The following UBE2W variants were observed in gnomAD, a reference collection of about 807,000 sequenced individuals.
UBE2W encodes ubiquitin-conjugating enzyme E2 W.
Under a neutral mutation model 27.2 loss-of-function variants are expected in UBE2W, and 18 were observed. That is an observed-to-expected ratio of 0.66 (90% confidence interval 0.46 to 0.98). The LOEUF (loss-of-function observed/expected upper bound fraction) is 0.98. Among genes scored for constraint, UBE2W ranks in the 50% least tolerant of loss-of-function variants. UBE2W has a pLI of 0.00. For synonymous variants in UBE2W, 53 were observed against 57.2 expected, an observed-to-expected ratio of 0.93 and a Z score of 0.33; for missense variants, 90 against 180.2, an observed-to-expected ratio of 0.50 and a Z score of 2.87.
chr8:73,842,931 T>G (rs1459197451), intron 1 of UBE2W, among the ~76,000 whole-genome samples: 1 of 152,174 alleles, frequency 6.6e-6, no homozygotes, highest in Non-Finnish European at 1.5e-5. Flanking sequence ...ACAACCCAAA[T>G]GCCCACTAAC....
intron 1 of UBE2W, among the ~76,000 whole-genome samples, chr8:73,832,969 C>T (rs1279431700): frequency 1.3e-5 from 2 of 152,066 alleles, no homozygotes; most frequent in African/African-American, 2.4e-5. Flanking sequence ...GCGGGAGGAT[C>T]GCAATGTCAA....
At chr8:73,812,284 T>G (rs1809184692) in intron 3 of UBE2W, among the ~76,000 whole-genome samples, 1 of 151,622 alleles carries the variant, frequency 6.6e-6, no homozygotes, top group African/African-American at 2.4e-5. Flanking sequence ...ATCAAGTCAC[T>G]TATCCTACCT....
At chr8:73,812,080 T>A (rs1048653683) in intron 3 of UBE2W, among the ~76,000 whole-genome samples, 6 of 152,048 alleles carry the variant, frequency 3.9e-5, no homozygotes, top group Non-Finnish European at 8.8e-5. Flanking sequence ...ATATATTAAC[T>A]AACATATGGG....
chr8:73,851,369 TGAGA>T (rs1811070769), intron 1 of UBE2W, among the ~76,000 whole-genome samples: 1 of 151,948 alleles, frequency 6.6e-6, no homozygotes, highest in Non-Finnish European at 1.5e-5. Flanking sequence ...GTAAAATATC[TGAGA>T]AAGAAGAGAT....
At chr8:73,855,252 C>T (rs953897708) in intron 1 of UBE2W, among the ~76,000 whole-genome samples, 2 of 152,030 alleles carry the variant, frequency 1.3e-5, no homozygotes, top group Non-Finnish European at 2.9e-5. Context: ...AATTTAAATG[C>T]GAGACAAACT....
intron 1 of UBE2W, among the ~76,000 whole-genome samples, chr8:73,872,606 T>A (rs1812046209): frequency 6.6e-6 from 1 of 152,210 alleles, no homozygotes; most frequent in African/African-American, 2.4e-5. Context: ...AACTGAGTAG[T>A]GAAACTAAGC....
At chr8:73,782,107 A>ATT (rs61555781), downstream of UBE2W, among the ~76,000 whole-genome samples, 9 of 145,222 alleles carry the variant, frequency 6.2e-5, no homozygotes, top group African/African-American at 7.5e-5. Flanking sequence ...GGCCCGGCTA[A>ATT]TTTTTTTTTT....
intron 1 of UBE2W, among the ~76,000 whole-genome samples, chr8:73,836,280 T>C (rs946274937): frequency 1.3e-5 from 2 of 152,202 alleles, no homozygotes; most frequent in African/African-American, 2.4e-5. Flanking sequence ...TCTTAGCTAC[T>C]AGGCAATAAA....
At position 73,805,463 on chromosome 8, in the gene UBE2W, AAAAAAAAAC is replaced by A. The variant is rs1327607260; in HGVS notation, c.442+179_442+187del. Reference sequence around the variant, plus strand: ...GAGCAAAACTCCATCTCAAAAAAAAAAAAAAAAACAAAAAAAACTAGGGTAATTCATCCA... The same window carrying A: ...GAGCAAAACTCCATCTCAAAAAAAAAAAAAAAAACTAGGGTAATTCATCCA... On this transcript the variant is annotated intron_variant, in intron 5 of 5. Coordinates refer to ENST00000602593, the MANE Select transcript of UBE2W (RefSeq NM_018299.6). Among the ~76,000 whole-genome samples the A allele has an allele frequency of 3.4e-3, 445 of 129,432 alleles. 18 individuals carry two copies. The highest frequency in any genetic ancestry group is 0.012 in the African/African-American group (428 of 35,410). 84.9% of individuals were successfully genotyped at this position (129,432 alleles called of 152,430 possible).
chr8:73,847,533 G>C (rs1410994754), intron 1 of UBE2W, among the ~76,000 whole-genome samples: 1 of 152,156 alleles, frequency 6.6e-6, no homozygotes, highest in African/African-American at 2.4e-5. Context: ...GGTACAAGGA[G>C]GATGTTTGTA....
intron 3 of UBE2W, among the ~76,000 whole-genome samples, chr8:73,819,243 C>T (rs1317369993): frequency 1.3e-5 from 2 of 152,158 alleles, no homozygotes; most frequent in African/African-American, 4.8e-5. Flanking sequence ...CACCATCTTC[C>T]ATACTATATG....
At chr8:73,821,560 G>T (rs868074393) in intron 3 of UBE2W, among the ~76,000 whole-genome samples, 15 of 116,894 alleles carry the variant, frequency 1.3e-4, no homozygotes, top group South Asian at 3.4e-4. Flanking sequence ...TGTGTGTGGG[G>T]GGGGGGGGAT....
chr8:73,848,089 T>G lies in UBE2W; in HGVS notation c.16-17617A>C, dbSNP rs1041933915. On this transcript the variant is annotated intron_variant, in intron 1 of 5. Transcript: ENST00000602593. ...CGTGGCGCATGCCTGTAATCCCAGA[T>G]ACTCGGGAGGCTGAGGCAAGAGAAT... 5.3e-5 allele frequency among the ~76,000 whole-genome samples: 8 copies of G among 151,414 alleles called. 1 individual carries two copies. The South Asian group carries it at 6.3e-4, about 12-fold the overall frequency.
rs115622072 is a variant in UBE2W at position 73,852,836 on chromosome 8, G to A, written c.16-22364C>T. Among the ~76,000 whole-genome samples, 992 of 152,208 alleles carry A rather than the reference G, an allele frequency of 6.5e-3. 7 individuals carry two copies. Among genetic ancestry groups the A allele is most frequent in the African/African-American group, 0.023 (937 of 41,520 alleles). On this transcript the variant is annotated intron_variant, in intron 1 of 5. Coordinates refer to ENST00000602593, the MANE Select transcript of UBE2W (RefSeq NM_018299.6). ...CAACAAATTGAACTACAAATCTCAC[G>A]AAAGAACTATGTAAACTATGTATTA...
At chr8:73,800,954 T>C (rs188733227) in intron 5 of UBE2W, among the ~76,000 whole-genome samples, 161 of 152,144 alleles carry the variant, frequency 1.1e-3, no homozygotes, top group African/African-American at 3.5e-3. Flanking sequence ...TAGCCGGGCG[T>C]GGTGGCACAT....
chr8:73,851,615 GACA>G (rs368867274), intron 1 of UBE2W, among the ~76,000 whole-genome samples: 1 of 152,156 alleles, frequency 6.6e-6, no homozygotes, highest in African/African-American at 2.4e-5. Context: ...TGATCATGCT[GACA>G]ACAATGTGGC....
chr8:73,795,736 TAAG>T (rs1808383659), intron 5 of UBE2W: 2 of 945,600 alleles, frequency 2.1e-6, no homozygotes, highest in Non-Finnish European at 2.5e-6. Context: ...TTAAAATAAA[TAAG>T]AATAGTATCT....
chr8:73,844,909 G>A (rs1032341983), intron 1 of UBE2W, among the ~76,000 whole-genome samples: 16 of 150,874 alleles, frequency 1.1e-4, no homozygotes, highest in East Asian at 2.0e-4. Flanking sequence ...CCCTCCGCCC[G>A]GCAGCCGCCC....
intron 1 of UBE2W, among the ~76,000 whole-genome samples, chr8:73,844,961 G>T (rs1307452929): frequency 6.6e-6 from 1 of 151,504 alleles, no homozygotes; most frequent in Non-Finnish European, 1.5e-5. Context: ...CAGCCGCCCC[G>T]TCTGGGAAGC....
Sources: gnomAD v4.1 joint callset for allele counts (sites outside exome capture counted in the v4.1 genomes callset) on GRCh38, gnomAD v4.1.1 for gene constraint, MANE v1.5 for transcripts, NCBI Gene and HGNC (gene_info 2026-07-23, HGNC 2026-07-21) for gene names.